Variants in SPAG4 observed in about 807,000 individuals in gnomAD.
The protein encoded by SPAG4 is sperm associated antigen 4, also known as sperm-associated antigen 4 protein.
A neutral mutation model predicts 53.9 loss-of-function variants in SPAG4; 54 were observed. The observed-to-expected ratio is 1.00, with a 90% CI of 0.80 to 1.26. The LOEUF (loss-of-function observed/expected upper bound fraction) is 1.26. Among genes scored for constraint, SPAG4 ranks in the 50% most tolerant of loss-of-function variants. SPAG4 has a pLI of 0.00. For synonymous variants in SPAG4, 246 were observed against 237.4 expected, an observed-to-expected ratio of 1.04 and a Z score of -0.33; for missense variants, 548 against 568.6, an observed-to-expected ratio of 0.96 and a Z score of 0.37.
rs1030942932 is a variant in SPAG4 at position 35,616,342 on chromosome 20, A to AG, written c.304+40dup. On this transcript the variant is annotated intron_variant, in intron 1 of 11. Coordinates refer to ENST00000374273, the MANE Select transcript of SPAG4 (RefSeq NM_003116.3). ...GGGTCGACCCCGGGTGAGCCAGTGG[A>AG]GGGGGCGGGGCCTAAAGGGCGGTGC... 5.1e-6 allele frequency: 5 copies of AG among 981,746 alleles called. No individual in the cohort carries two copies. The African/African-American group carries it at 1.0e-4, about 20-fold the overall frequency. 60.8% of individuals were successfully genotyped at this position (981,746 alleles called of 1,614,324 possible). A position where few individuals can be genotyped will look rare whatever the true frequency, so the allele number is the denominator to read the frequency against.
Position 35,618,925 on chromosome 20 carries a change from A to T in SPAG4, c.720A>T (p.Arg240Ser). The T allele has an allele frequency of 6.2e-7, 1 of 1,614,068 alleles. No homozygotes were observed. Among genetic ancestry groups the T allele is most frequent in the Non-Finnish European group, 8.5e-7 (1 of 1,179,930 alleles). Residue 240 changes from arginine (R) to serine (S), a missense_variant and splice_region_variant, in exon 8 of 12, where the codon AGA becomes AGT. Coordinates refer to ENST00000374273, the MANE Select transcript of SPAG4 (RefSeq NM_003116.3). ...GGCCTCGCCCTCCCTCCTTGCAGAG[A>T]GTGGCCAAGCTCGTGTTCCAGAGGC... ...VSTVRAANSE[R>S]VAKLVFQRLN...
rs1245752076 is a variant in SPAG4 at position 35,618,920 on chromosome 20, C to A, written c.718-3C>A. ...CTCCAGGCCTCGCCCTCCCTCCTTG[C>A]AGAGAGTGGCCAAGCTCGTGTTCCA... On this transcript the variant is annotated splice_region_variant and splice_polypyrimidine_tract_variant and intron_variant, in intron 7 of 11. Transcript: ENST00000374273. 5.0e-6 allele frequency: 8 copies of A among 1,613,872 alleles called. No individual in the cohort carries two copies. The highest frequency in any genetic ancestry group is 5.9e-6 in the Non-Finnish European group (7 of 1,179,828).
Position 35,615,894 on chromosome 20 carries a change from A to C in SPAG4, c.-110A>C. On this transcript the variant is annotated 5_prime_UTR_variant, in exon 1 of 12. Transcript: ENST00000374273. Reference sequence around the variant, plus strand: ...TGCGGCCGCGGGGCCTGCCGACTTCACGCAGGGTCCGTGGGGTCCCCGCGG... The same window carrying C: ...TGCGGCCGCGGGGCCTGCCGACTTCCCGCAGGGTCCGTGGGGTCCCCGCGG... 2 of 1,077,352 alleles carry C rather than the reference A, an allele frequency of 1.9e-6. No individual in the cohort carries two copies. Among genetic ancestry groups the C allele is most frequent in the Non-Finnish European group, 2.6e-6 (2 of 773,976 alleles). The allele number at this position is 1,077,352 out of a possible 1,614,324, so 66.7% of individuals were successfully genotyped here.
At chr20:35,620,621 T>TCCCCCC in intron 10 of SPAG4, 63 bp from the exon 11 acceptor site, 10 of 510,084 alleles carry the variant, frequency 2.0e-5, no homozygotes, top group South Asian at 3.3e-5. Flanking sequence ...AGTTTTCTTC[T>TCCCCCC]CCCCGCCCCC....
intron 5 of SPAG4, 96 bp from the exon 6 acceptor site, chr20:35,618,354 G>T: frequency 6.7e-7 from 1 of 1,498,464 alleles, no homozygotes. Flanking sequence ...AGGGGACACA[G>T]TCTTCAAAAA....
chr20:35,620,847 C>T (rs2031557177), intron 11 of SPAG4, 29 bp from the exon 12 acceptor site: 3 of 1,613,314 alleles, frequency 1.9e-6, no homozygotes, highest in South Asian at 2.2e-5. Flanking sequence ...AGGAGGGCAG[C>T]CCTTGGCATG....
intron 4 of SPAG4, 105 bp from the exon 5 acceptor site, chr20:35,617,982 C>T: frequency 7.3e-7 from 1 of 1,373,416 alleles, no homozygotes; most frequent in Non-Finnish European, 1.0e-6. Flanking sequence ...CTCCCACGGT[C>T]CTCCCCAGGC....
intron 6 of SPAG4, 41 bp from the exon 7 acceptor site, chr20:35,618,571 G>A: frequency 2.5e-6 from 4 of 1,597,968 alleles, no homozygotes; most frequent in Non-Finnish European, 3.4e-6. Context: ...TGTCCAGGGG[G>A]ACAGGGAGCC....
chr20:35,617,072 G>C, intron 1 of SPAG4, 64 bp from the exon 2 acceptor site: 1 of 1,078,796 alleles, frequency 9.3e-7, no homozygotes, highest in Non-Finnish European at 1.4e-6. Flanking sequence ...TCTGCGGCCC[G>C]GTCTCGAGGG....
At position 35,617,014 on chromosome 20, in the gene SPAG4, C is replaced by G. The variant is rs552428395; in HGVS notation, c.305-122C>G. The G allele has an allele frequency of 5.2e-4, 350 of 676,910 alleles. No homozygotes were observed. In the African/African-American group the frequency reaches 5.7e-3, roughly 11 times the overall value. 41.9% of individuals were successfully genotyped at this position (676,910 alleles called of 1,614,324 possible). On this transcript the variant is annotated intron_variant, in intron 1 of 11. Transcript: ENST00000374273. Reference sequence around the variant, plus strand: ...AGCCGGGATAGGGCTGCGGTGGGACCAAAGCCTGTGAGAGACTTCCCAGCT... The same window carrying G: ...AGCCGGGATAGGGCTGCGGTGGGACGAAAGCCTGTGAGAGACTTCCCAGCT...
At chr20:35,620,621 T>TGCC in intron 10 of SPAG4, 63 bp from the exon 11 acceptor site, 2 of 510,084 alleles carry the variant, frequency 3.9e-6, no homozygotes, top group Non-Finnish European at 7.5e-6. Context: ...AGTTTTCTTC[T>TGCC]CCCCGCCCCC....
chr20:35,615,985 T>A lies in SPAG4; in HGVS notation c.-19T>A. On this transcript the variant is annotated 5_prime_UTR_variant, in exon 1 of 12. Coordinates refer to ENST00000374273, the MANE Select transcript of SPAG4 (RefSeq NM_003116.3). ...CAGCGGCGGCTTTAGCGTCAGTGAC[T>A]AGGCAGCAGGGGGTCAGGATGCGGC... 1.2e-6 allele frequency: 2 copies of A among 1,608,496 alleles called. No homozygotes were observed. The highest frequency in any genetic ancestry group is 1.7e-6 in the Non-Finnish European group (2 of 1,179,000).
At position 35,618,909 on chromosome 20, in the gene SPAG4, C is replaced by A; in HGVS notation, c.718-14C>A. The A allele has an allele frequency of 6.2e-7, 1 of 1,613,434 alleles. No homozygotes were observed. Among genetic ancestry groups the A allele is most frequent in the Non-Finnish European group, 8.5e-7 (1 of 1,179,318 alleles). ...AAGCCTCGCCCCTCCAGGCCTCGCC[C>A]TCCCTCCTTGCAGAGAGTGGCCAAG... is the stretch of plus-strand genomic sequence containing the variant. On this transcript the variant is annotated splice_polypyrimidine_tract_variant and intron_variant, in intron 7 of 11. Transcript: ENST00000374273.
At chr20:35,618,249 T>C in intron 5 of SPAG4, 119 bp downstream of exon 5, 1 of 1,146,812 alleles carries the variant, frequency 8.7e-7, no homozygotes, top group South Asian at 1.4e-5. Flanking sequence ...CTACAATCCT[T>C]AAGAAAGGGC....
In SPAG4 at chr20:35,619,725, C is replaced by T. The variant is rs2031514150; in HGVS notation, c.1056C>T (p.Ala352=). ...SVEHTGGANS[A]PRDFAVFGLQ... is the part of the protein sequence containing the mutation. ...AGCACACCGGAGGAGCCAACAGCGC[C>T]CCCCGCGATTTCGCGGTCTTTGTGA... Residue 352 remains alanine (A), a synonymous_variant, in exon 10 of 12, where the codon GCC becomes GCT. Coordinates refer to ENST00000374273, the MANE Select transcript of SPAG4 (RefSeq NM_003116.3). The T allele has an allele frequency of 1.9e-6, 3 of 1,610,564 alleles. No homozygotes were observed. Among genetic ancestry groups the T allele is most frequent in the Admixed American group, 1.7e-5 (1 of 59,936 alleles).
At position 35,617,222 on chromosome 20, in the gene SPAG4, G is replaced by A; in HGVS notation, c.391G>A (p.Val131Met). ...GAGGCAGGAGATGCCTCCCCCGCGG[G>A]TGTTCAAGAGCTTTCTGAGTACGGG... ...DLRQEMPPPRVFKSFLSLLFQ... is the reference protein window; with the variant it reads ...DLRQEMPPPRMFKSFLSLLFQ... Residue 131 changes from valine (V) to methionine (M), a missense_variant, in exon 2 of 12, where the codon GTG becomes ATG. By Grantham distance (21) the Val-to-Met change is conservative. Coordinates refer to ENST00000374273, the MANE Select transcript of SPAG4 (RefSeq NM_003116.3). The A allele has an allele frequency of 3.8e-6, 6 of 1,599,874 alleles. No homozygotes were observed. The highest frequency in any genetic ancestry group is 5.1e-6 in the Non-Finnish European group (6 of 1,173,462).
At chr20:35,620,623 C>CCCA in intron 10 of SPAG4, 61 bp from the exon 11 acceptor site, 1 of 397,556 alleles carries the variant, frequency 2.5e-6, no homozygotes, top group African/African-American at 2.6e-5. Context: ...TTTTCTTCTC[C>CCCA]CCGCCCCCCC....
chr20:35,617,551 A>T lies in SPAG4; in HGVS notation c.441A>T (p.Leu147Phe). The stretch of plus-strand genomic sequence containing the variant: ...TCTTCCAGGGGCTGAGCGTGTTGTT[A>T]TCCCTGGCAGGAGACGTGCTGGTCA... ...SLLFQGLSVLLSLAGDVLVSM... is the reference protein window; with the variant it reads ...SLLFQGLSVLFSLAGDVLVSM... The change falls in exon 3 of 12, where the codon TTA becomes TTT. Residue 147 changes from leucine to phenylalanine, a missense_variant. Coordinates refer to ENST00000374273, the MANE Select transcript of SPAG4 (RefSeq NM_003116.3). 1.9e-6 allele frequency: 3 copies of T among 1,604,152 alleles called. No homozygotes were observed. The highest frequency in any genetic ancestry group is 1.7e-6 in the Non-Finnish European group (2 of 1,175,064).
intron 7 of SPAG4, 42 bp from the exon 8 acceptor site, chr20:35,618,881 C>T (rs768916070): frequency 6.3e-7 from 1 of 1,588,300 alleles, no homozygotes; most frequent in Non-Finnish European, 8.6e-7. Context: ...AAAAGCAGCC[C>T]GCAAGCCTCG....
Sources: allele counts gnomAD v4.1 joint callset, GRCh38; gene constraint gnomAD v4.1.1; transcripts MANE v1.5; gene names NCBI Gene and HGNC (gene_info 2026-07-23, HGNC 2026-07-21).